Variants in PATJ observed in about 807,000 individuals in gnomAD.
The protein encoded by PATJ is inaD-like protein.
PATJ carries 190 observed loss-of-function variants against 224.9 expected under a neutral mutation model. The observed-to-expected ratio is 0.84, with a 90% CI of 0.75 to 0.95. The LOEUF is 0.95. Ranked by LOEUF, PATJ falls within the 40% of genes least tolerant of loss-of-function variation. The pLI is 0.00. For synonymous variants in PATJ, 769 were observed against 820.3 expected (o/e 0.94, Z 1.07); for missense variants, 2,121 against 2,270.3 (o/e 0.93, Z 1.34).
At chr1:61,769,250 C>T (rs1344606260) in intron 4 of PATJ, 33 bp from the exon 5 acceptor site, 1 of 1,591,906 alleles carries the variant, frequency 6.3e-7, no homozygotes, top group East Asian at 2.2e-5. Flanking sequence ...AAATGTACAC[C>T]ATTGACTTTT....
intron 33 of PATJ, among the ~76,000 whole-genome samples, chr1:62,101,397 G>T (rs1426532253): frequency 6.6e-6 from 1 of 151,654 alleles, no homozygotes; most frequent in Non-Finnish European, 1.5e-5. Flanking sequence ...TGAGTAGCTG[G>T]GACTACAGGC....
chr1:62,083,350 G>GACCTCAGGTGATCCTCCC (rs993499183), intron 32 of PATJ, among the ~76,000 whole-genome samples: 1 of 152,176 alleles, frequency 6.6e-6, no homozygotes, highest in Admixed American at 6.5e-5. Context: ...TCGAACTCCT[G>GACCTCAGGTGATCCTCCC]ACCTCAGGTG....
intron 20 of PATJ, among the ~76,000 whole-genome samples, chr1:61,870,934 T>A (rs938230720): frequency 2.6e-4 from 40 of 152,158 alleles, no homozygotes; most frequent in Non-Finnish European, 4.4e-5. Flanking sequence ...AAGTGCTATC[T>A]TATGTTTTGT....
chr1:62,059,893 G>A (rs987198385), intron 31 of PATJ, among the ~76,000 whole-genome samples: 16 of 152,064 alleles, frequency 1.1e-4, no homozygotes, highest in Non-Finnish European at 1.5e-5. Context: ...GAAGAGGGAG[G>A]AGGCAAAAAT....
At chr1:61,908,042 A>G (rs1189158447) in intron 24 of PATJ, among the ~76,000 whole-genome samples, 1 of 152,218 alleles carries the variant, frequency 6.6e-6, no homozygotes, top group African/African-American at 2.4e-5. Flanking sequence ...TCCCACTCAG[A>G]ATTATGTACT....
chr1:61,896,875 T>C (rs1166817743), intron 22 of PATJ, among the ~76,000 whole-genome samples: 1 of 152,188 alleles, frequency 6.6e-6, no homozygotes, highest in Non-Finnish European at 1.5e-5. Context: ...TTTGTAAGTT[T>C]CCTGAAGCTT....
At chr1:62,033,388 G>A (rs551231977) in intron 29 of PATJ, among the ~76,000 whole-genome samples, 1 of 152,114 alleles carries the variant, frequency 6.6e-6, no homozygotes, top group Non-Finnish European at 1.5e-5. Context: ...ATACAATAAG[G>A]CTCCAGAGAT....
intron 14 of PATJ, among the ~76,000 whole-genome samples, chr1:61,821,416 G>A (rs892762643): frequency 6.6e-6 from 1 of 152,238 alleles, no homozygotes; most frequent in Non-Finnish European, 1.5e-5. Context: ...AGATCCTGAA[G>A]TGCTTAGTGG....
At chr1:61,993,040 C>G (rs1645157229) in intron 28 of PATJ, among the ~76,000 whole-genome samples, 1 of 152,124 alleles carries the variant, frequency 6.6e-6, no homozygotes, top group Non-Finnish European at 1.5e-5. Flanking sequence ...TACCTGGAGA[C>G]AGCGTCAGTC....
chr1:62,027,425 T>G (rs904286013), intron 29 of PATJ, among the ~76,000 whole-genome samples: 1 of 152,208 alleles, frequency 6.6e-6, no homozygotes, highest in Admixed American at 6.5e-5. Context: ...GCTATGAACA[T>G]GGATATACAG....
intron 28 of PATJ, among the ~76,000 whole-genome samples, chr1:62,002,240 G>T (rs1463591770): frequency 6.6e-6 from 1 of 152,130 alleles, no homozygotes; most frequent in African/African-American, 2.4e-5. Flanking sequence ...CACTGAGTTT[G>T]TGAGTCTCAA....
In PATJ at chr1:61,769,388, G is replaced by T. The variant is rs560787067; in HGVS notation, c.490G>T (p.Val164Leu). The T allele has an allele frequency of 3.1e-6, 5 of 1,614,078 alleles. No individual in the cohort carries two copies. The Admixed American group carries it at 6.7e-5, about 22-fold the overall frequency. ...SQNLGKVDIF[V>L]KDVQPGSVAD... ...AAATCTCGGAAAAGTTGATATCTTCGTGAAGGATGTCCAGCCAGGGAGTGT... is the reference window on the plus strand; with the variant it reads ...AAATCTCGGAAAAGTTGATATCTTCTTGAAGGATGTCCAGCCAGGGAGTGT... The change falls in exon 5 of 44, where the codon GTG (valine) becomes TTG (leucine). Residue 164 changes from valine to leucine, a missense_variant. Transcript: ENST00000642238.
At position 62,116,669 on chromosome 1, in the gene PATJ, C is replaced by T. The variant is rs780024081; in HGVS notation, c.4793C>T (p.Thr1598Ile). The stretch of plus-strand genomic sequence containing the variant: ...AATGCCTCACAGGAGACAGTGGCCA[C>T]CATCCTCAAGGTGAGTTGCTAGGCT... ...MRNASQETVATILKCAQGLVQ... is the reference protein window; with the variant it reads ...MRNASQETVAIILKCAQGLVQ... The change falls in exon 36 of 44, where the codon ACC becomes ATC. Residue 1598 changes from threonine to isoleucine, a missense_variant. Transcript: ENST00000642238. 1 of 1,609,584 alleles carries T rather than the reference C, an allele frequency of 6.2e-7. No individual in the cohort carries two copies. Among genetic ancestry groups the T allele is most frequent in the Non-Finnish European group, 8.5e-7 (1 of 1,178,016 alleles).
intron 35 of PATJ, 41 bp from the exon 36 acceptor site, chr1:62,116,491 T>C: frequency 1.2e-6 from 2 of 1,607,276 alleles, no homozygotes; most frequent in African/African-American, 2.7e-5. Context: ...CATGGAAATA[T>C]TAGGTTGTGC....
chr1:62,154,014 C>T (rs916743902), intron 43 of PATJ, among the ~76,000 whole-genome samples: 2 of 152,090 alleles, frequency 1.3e-5, no homozygotes, highest in Admixed American at 6.6e-5. Flanking sequence ...AAGCAATTCT[C>T]CTGCCTCAGT....
At chr1:61,957,840 GGT>G (rs918198265) in intron 27 of PATJ, among the ~76,000 whole-genome samples, 4 of 152,228 alleles carry the variant, frequency 2.6e-5, no homozygotes, top group African/African-American at 9.6e-5. Context: ...CTTTGAATCA[GGT>G]GTGAGTTCAA....
At position 61,748,715 on chromosome 1, in the gene PATJ, C is replaced by A. The variant is rs368809341; in HGVS notation, c.-36+6160C>A. ...ACAATAATTTAATTATTAGCTTTTGCAGTGCCATGATCATGGTTCACTAGC... is the reference window on the plus strand; with the variant it reads ...ACAATAATTTAATTATTAGCTTTTGAAGTGCCATGATCATGGTTCACTAGC... On this transcript the variant is annotated intron_variant, in intron 1 of 43. Coordinates refer to ENST00000642238, the MANE Select transcript of PATJ (RefSeq NM_001350145.3). 3.9e-5 allele frequency among the ~76,000 whole-genome samples: 6 copies of A among 152,202 alleles called. No homozygotes were observed. In the South Asian group the frequency reaches 1.2e-3, roughly 32 times the overall value.
chr1:61,997,786 TTTTGTTTTG>T (rs1645457493), intron 28 of PATJ, among the ~76,000 whole-genome samples: 1 of 87,682 alleles, frequency 1.1e-5, no homozygotes, highest in African/African-American at 5.2e-5. Flanking sequence ...GTGTGCGGTT[TTTTGTTTTG>T]TTTTGTTTTG....
At chr1:62,129,387 C>T (rs2760223) in intron 41 of PATJ, among the ~76,000 whole-genome samples, 1,793 of 152,278 alleles carry the variant, frequency 0.012, 36 homozygotes, top group African/African-American at 0.041. Context: ...TAAATTGTCA[C>T]GCGTAGCAGT....
Sources: allele counts gnomAD v4.1 joint callset (sites outside exome capture counted in the v4.1 genomes callset), GRCh38; gene constraint gnomAD v4.1.1; transcripts MANE v1.5; gene names NCBI Gene and HGNC (gene_info 2026-07-23, HGNC 2026-07-21).